The following TAAR5 variants were observed in gnomAD, a reference collection of about 807,000 sequenced individuals.
TAAR5 encodes trace amine associated receptor 5.
A neutral mutation model predicts 21.1 loss-of-function variants in TAAR5; 27 were observed. That is an observed-to-expected ratio of 1.28 (90% confidence interval 0.94 to 1.76). The LOEUF is 1.76. TAAR5 is among the 40% of genes most tolerant of loss of function. TAAR5 has a pLI of 0.00. For missense variants in TAAR5, 495 were observed against 405.6 expected, an observed-to-expected ratio of 1.22 and a Z score of -1.89; for synonymous variants, 203 against 167.5, an observed-to-expected ratio of 1.21 and a Z score of -1.64.
chr6:132,589,339 G>T lies in TAAR5; in HGVS notation c.348C>A (p.Leu116=). ...GATGGAAGATGGAGGTGAGGCAGAA[G>T]AGGGTGTCCAGGTAGGTGTGCAGGC... ...LCRLHTYLDT[L]FCLTSIFHLC... is the part of the protein sequence containing the mutation. The change falls in exon 1 of 1, where the codon CTC becomes CTA. Residue 116 remains leucine (L), a synonymous_variant. Coordinates refer to ENST00000258034, the MANE Select transcript of TAAR5 (RefSeq NM_003967.3). The T allele has an allele frequency of 1.9e-6, 3 of 1,614,078 alleles. No individual in the cohort carries two copies. Among genetic ancestry groups the T allele is most frequent in the East Asian group, 2.2e-5 (1 of 44,862 alleles).
the TAAR5 span, among the ~76,000 whole-genome samples, chr6:132,615,702 G>A: frequency 6.6e-6 from 1 of 151,872 alleles, no homozygotes; most frequent in Non-Finnish European, 1.5e-5. Flanking sequence ...ACAGCAGGGT[G>A]ATTATGTTTT....
chr6:132,606,053 T>C, the TAAR5 span, among the ~76,000 whole-genome samples: 6,278 of 152,014 alleles, frequency 0.041, 275 homozygotes, highest in South Asian at 0.1. Context: ...GAGCTAAACA[T>C]TGGGTACACA....
At chr6:132,599,216 C>T in the TAAR5 span, among the ~76,000 whole-genome samples, 7 of 151,978 alleles carry the variant, frequency 4.6e-5, no homozygotes, top group Non-Finnish European at 7.4e-5. Context: ...TAATTCCAGA[C>T]ACTAAGCTTC....
At position 132,588,658 on chromosome 6, in the gene TAAR5, A is replaced by G. The variant is rs1163927125; in HGVS notation, c.*15T>C. 5 of 1,597,514 alleles carry G rather than the reference A, an allele frequency of 3.1e-6. No individual in the cohort carries two copies. Among genetic ancestry groups the G allele is most frequent in the Admixed American group, 3.4e-5 (2 of 59,294 alleles). ...CTGTGAGGTCCTACTCCTTGCCTGC[A>G]TTTAGTAGAAGGAATCATTCTTGGT... is the stretch of plus-strand genomic sequence containing the variant. On this transcript the variant is annotated 3_prime_UTR_variant, in exon 1 of 1. Transcript: ENST00000258034.
chr6:132,591,897 C>T (rs1776912452), upstream of TAAR5, among the ~76,000 whole-genome samples: 1 of 152,168 alleles, frequency 6.6e-6, no homozygotes, highest in Non-Finnish European at 1.5e-5. Flanking sequence ...ATCTGTGTCA[C>T]AATCTTGTGA....
At chr6:132,606,582 T>C in the TAAR5 span, among the ~76,000 whole-genome samples, 14 of 152,216 alleles carry the variant, frequency 9.2e-5, no homozygotes, top group African/African-American at 3.4e-4. Flanking sequence ...TTGGTAATTA[T>C]GCAAAGGTAA....
chr6:132,601,806 G>C, the TAAR5 span, among the ~76,000 whole-genome samples: 1 of 152,082 alleles, frequency 6.6e-6, no homozygotes, highest in African/African-American at 2.4e-5. Flanking sequence ...GTAATATTTT[G>C]CCATTTTTTA....
the TAAR5 span, among the ~76,000 whole-genome samples, chr6:132,599,138 AG>A: frequency 6.6e-6 from 1 of 152,132 alleles, no homozygotes; most frequent in African/African-American, 2.4e-5. Context: ...TTGGATGAAA[AG>A]GGGACTCTTC....
Position 132,589,478 on chromosome 6 carries a change from T to C in TAAR5, c.209A>G (p.Asn70Ser). 2 of 1,613,738 alleles carry C rather than the reference T, an allele frequency of 1.2e-6. No homozygotes were observed. The highest frequency in any genetic ancestry group is 1.7e-6 in the Non-Finnish European group (2 of 1,179,884). ...SYFKALHTPT[N>S]FLLLSLALAD... ...CAGGGCCAGGGAGAGCAGCAGGAAG[T>C]TGGTGGGCGTGTGAAGCGCTTTGAA... Residue 70 changes from asparagine to serine, a missense_variant, in exon 1 of 1, where the codon AAC becomes AGC. Coordinates refer to ENST00000258034, the MANE Select transcript of TAAR5 (RefSeq NM_003967.3).
At chr6:132,615,122 A>C in the TAAR5 span, among the ~76,000 whole-genome samples, 2 of 152,176 alleles carry the variant, frequency 1.3e-5, no homozygotes, top group African/African-American at 4.8e-5. Context: ...TGGGCCTCCC[A>C]AAGTGCTGGG....
the TAAR5 span, among the ~76,000 whole-genome samples, chr6:132,615,311 G>A: frequency 6.6e-6 from 1 of 152,104 alleles, no homozygotes; most frequent in Non-Finnish European, 1.5e-5. Context: ...TCCAAGGGAG[G>A]AATAATTGTC....
the TAAR5 span, among the ~76,000 whole-genome samples, chr6:132,614,041 G>GCAA: frequency 1.3e-4 from 20 of 152,182 alleles, no homozygotes; most frequent in Non-Finnish European, 2.1e-4. Flanking sequence ...AGCAAAGGAA[G>GCAA]ATATGAGCTA....
At chr6:132,615,364 T>C in the TAAR5 span, among the ~76,000 whole-genome samples, 1,054 of 152,284 alleles carry the variant, frequency 6.9e-3, 5 homozygotes, top group South Asian at 0.017. Context: ...TTCCTGAATG[T>C]AACAAGAAAG....
At chr6:132,592,075 C>G (rs369873202), upstream of TAAR5, among the ~76,000 whole-genome samples, 7 of 152,314 alleles carry the variant, frequency 4.6e-5, 1 homozygote, top group South Asian at 6.2e-4. Context: ...CATTACATAA[C>G]AATCACAGGC....
upstream of TAAR5, among the ~76,000 whole-genome samples, chr6:132,591,574 C>A (rs1168342677): frequency 6.6e-6 from 1 of 152,168 alleles, no homozygotes; most frequent in Non-Finnish European, 1.5e-5. Flanking sequence ...CTTAATCAGA[C>A]ACAAGGAAGG....
chr6:132,609,018 G>A, the TAAR5 span: 1 of 455,908 alleles, frequency 2.2e-6, no homozygotes, highest in Non-Finnish European at 4.4e-6. Context: ...GCATTATGCT[G>A]TATGGCATAA....
the TAAR5 span, among the ~76,000 whole-genome samples, chr6:132,600,931 A>G: frequency 8.5e-6 from 1 of 117,858 alleles, no homozygotes; most frequent in Non-Finnish European, 1.7e-5. Flanking sequence ...GAAGGAGGGA[A>G]GGAGGGAAGG....
At chr6:132,597,899 A>G in the TAAR5 span, among the ~76,000 whole-genome samples, 1 of 152,240 alleles carries the variant, frequency 6.6e-6, no homozygotes, top group Admixed American at 6.5e-5. Context: ...TTGAAAATGT[A>G]AACAATTATT....
the TAAR5 span, among the ~76,000 whole-genome samples, chr6:132,611,517 T>C: frequency 6.6e-6 from 1 of 152,182 alleles, no homozygotes; most frequent in East Asian, 1.9e-4. Context: ...CATTACACAT[T>C]GTATGCCTGT....
Sources: allele counts gnomAD v4.1 joint callset (sites outside exome capture counted in the v4.1 genomes callset), GRCh38; gene constraint gnomAD v4.1.1; transcripts MANE v1.5; gene names NCBI Gene and HGNC (gene_info 2026-07-23, HGNC 2026-07-21).